Variants in PRTG observed in about 807,000 individuals in gnomAD.
The protein encoded by PRTG is protogenin, also known as immunoglobulin superfamily, DCC subclass, member 5.
In PRTG, 67 loss-of-function variants were observed where a neutral mutation model predicts 122.5. The observed-to-expected ratio is 0.55, with a 90% CI of 0.45 to 0.67. The LOEUF (loss-of-function observed/expected upper bound fraction) is 0.67, where lower values mean the gene tolerates loss of function less well. PRTG is among the 30% of genes least tolerant of loss of function. The pLI, the probability that PRTG is intolerant of heterozygous loss-of-function variation, is 0.00. For missense variants in PRTG, 1,435 were observed against 1,415.4 expected, an observed-to-expected ratio of 1.01 and a Z score of -0.22; for synonymous variants, 554 against 501.1, an observed-to-expected ratio of 1.11 and a Z score of -1.41.
intron 2 of PRTG, among the ~76,000 whole-genome samples, chr15:55,698,964 GAAAAC>G (rs906180787): frequency 6.6e-6 from 1 of 152,048 alleles, no homozygotes; most frequent in East Asian, 1.9e-4. Flanking sequence ...GACTAGTCTA[GAAAAC>G]AAAACAAAAC....
At chr15:55,658,844 T>C (rs1489385716) in intron 11 of PRTG, among the ~76,000 whole-genome samples, 1 of 152,226 alleles carries the variant, frequency 6.6e-6, no homozygotes, top group Non-Finnish European at 1.5e-5. Flanking sequence ...TGTTTCTGTA[T>C]TGAGTCACTT....
intron 17 of PRTG, among the ~76,000 whole-genome samples, chr15:55,624,828 A>G (rs1364345309): frequency 6.6e-6 from 1 of 152,218 alleles, no homozygotes; most frequent in Non-Finnish European, 1.5e-5. Context: ...TTATTACACT[A>G]GCATAACAAT....
chr15:55,681,581 G>C (rs879531970), intron 4 of PRTG: 3 of 152,008 alleles, frequency 2.0e-5, no homozygotes, highest in African/African-American at 4.8e-5. Context: ...TTTGCATTAA[G>C]ATTGAGGATA....
chr15:55,617,079 TATGAAA>T lies in PRTG; in HGVS notation c.*2927_*2932del, dbSNP rs2059144840. The T allele has an allele frequency of 1.3e-5, 2 of 152,170 alleles. No homozygotes were observed. The highest frequency in any genetic ancestry group is 2.9e-5 in the Non-Finnish European group (2 of 67,982). 9.4% of individuals were successfully genotyped at this position (152,170 alleles called of 1,614,324 possible). A position where few individuals can be genotyped will look rare whatever the true frequency, so the allele number is the denominator to read the frequency against. ...GTACAATACCATGAAGTAATACCAC[TATGAAA>T]AATGAGTGAAAATCTTCACATTTTA... On this transcript the variant is annotated 3_prime_UTR_variant, in exon 20 of 20. Transcript: ENST00000389286.
intron 2 of PRTG, among the ~76,000 whole-genome samples, chr15:55,692,386 A>G (rs985002239): frequency 2.6e-5 from 4 of 152,188 alleles, no homozygotes; most frequent in African/African-American, 7.2e-5. Context: ...GACACTGTAC[A>G]CCAAACATCA....
At chr15:55,639,575 G>A in intron 13 of PRTG, 67 bp downstream of exon 13, 1 of 1,401,078 alleles carries the variant, frequency 7.1e-7, no homozygotes, top group Non-Finnish European at 9.9e-7. Context: ...GATGGTAAGA[G>A]GTAGAAGTTG....
intron 2 of PRTG, among the ~76,000 whole-genome samples, chr15:55,727,286 G>A (rs2031069026): frequency 6.6e-6 from 1 of 151,580 alleles, no homozygotes; most frequent in African/African-American, 2.4e-5. Flanking sequence ...AGAAAAAAAA[G>A]AGAGATGATA....
rs2059210199 is a variant in PRTG at position 55,628,873 on chromosome 15, T to C, written c.2755A>G (p.Thr919Ala). ...SVELAVLPKE[T>A]SESNQRPKRL... ...TTGGGCCTCTGATTTGATTCAGAGG[T>C]TTCCTTTGGAAGTACTGCCAGCTCC... The change falls in exon 16 of 20, where the codon ACC becomes GCC. Residue 919 changes from threonine to alanine, a missense_variant. Coordinates refer to ENST00000389286, the MANE Select transcript of PRTG (RefSeq NM_173814.6). 1 of 1,614,034 alleles carries C rather than the reference T, an allele frequency of 6.2e-7. No individual in the cohort carries two copies. The highest frequency in any genetic ancestry group is 1.3e-5 in the African/African-American group (1 of 75,028).
rs545146386 is a variant in PRTG at position 55,691,109 on chromosome 15, A to C, written c.398-7178T>G. Among the ~76,000 whole-genome samples the C allele has an allele frequency of 2.6e-5, 4 of 152,168 alleles. No homozygotes were observed. In the South Asian group the frequency reaches 8.3e-4, roughly 32 times the overall value. On this transcript the variant is annotated intron_variant, in intron 2 of 19. Coordinates refer to ENST00000389286, the MANE Select transcript of PRTG (RefSeq NM_173814.6). Reference sequence around the variant, plus strand: ...CAGGAGTTCGAGACCAACCTGGCCAACGTGATGAAACCCCATCTCTACTAA... The same window carrying C: ...CAGGAGTTCGAGACCAACCTGGCCACCGTGATGAAACCCCATCTCTACTAA...
chr15:55,698,814 C>T (rs556348677), intron 2 of PRTG, among the ~76,000 whole-genome samples: 2 of 150,170 alleles, frequency 1.3e-5, no homozygotes, highest in South Asian at 2.1e-4. Context: ...CATCAGGACT[C>T]GTGAATCATG....
intron 2 of PRTG, among the ~76,000 whole-genome samples, chr15:55,717,030 A>G (rs1181160206): frequency 6.6e-6 from 1 of 152,238 alleles, no homozygotes; most frequent in Non-Finnish European, 1.5e-5. Context: ...AAACCATTTG[A>G]GCCACTAATA....
At chr15:55,670,806 CAGG>C (rs1343027715) in intron 11 of PRTG, among the ~76,000 whole-genome samples, 1 of 151,880 alleles carries the variant, frequency 6.6e-6, no homozygotes, top group African/African-American at 2.4e-5. Context: ...GAGGCTGAGG[CAGG>C]AGAATTGCTT....
intron 11 of PRTG, among the ~76,000 whole-genome samples, chr15:55,647,803 G>C (rs540890210): frequency 6.6e-6 from 1 of 152,334 alleles, no homozygotes; most frequent in Admixed American, 6.5e-5. Context: ...AAGATCTAGA[G>C]AACAGAATAT....
intron 15 of PRTG, among the ~76,000 whole-genome samples, chr15:55,631,539 C>T (rs543918870): frequency 6.6e-6 from 1 of 152,324 alleles, no homozygotes; most frequent in African/African-American, 2.4e-5. Context: ...CAAAGCATTT[C>T]ACAAATACTG....
At position 55,738,021 on chromosome 15, in the gene PRTG, T is replaced by TACACAC. The variant is rs1465755534; in HGVS notation, c.397+2360_397+2361insGTGTGT. Among the ~76,000 whole-genome samples, 317 of 102,868 alleles carry TACACAC rather than the reference T, an allele frequency of 3.1e-3. 2 individuals are homozygous for TACACAC. The highest frequency in any genetic ancestry group is 0.01 in the African/African-American group (289 of 27,748). The allele number at this position is 102,868 out of a possible 152,430, so 67.5% of individuals were successfully genotyped here. ...CTCTCTCTATATATATATATATATATATATACACACACACACACACACACA... is the reference window on the plus strand; with the variant it reads ...CTCTCTCTATATATATATATATATATACACACATATACACACACACACACACACACA... On this transcript the variant is annotated intron_variant, in intron 2 of 19. Coordinates refer to ENST00000389286, the MANE Select transcript of PRTG (RefSeq NM_173814.6).
chr15:55,620,306 T>G (rs369319370), intron 19 of PRTG, 40 bp from the exon 20 acceptor site: 2 of 1,599,504 alleles, frequency 1.3e-6, no homozygotes. Flanking sequence ...GATACCAGAC[T>G]GATCGAATCC....
chr15:55,667,517 C>T (rs569483854), intron 11 of PRTG, among the ~76,000 whole-genome samples: 85 of 151,962 alleles, frequency 5.6e-4, no homozygotes, highest in African/African-American at 2.0e-3. Context: ...AAAATTTCTG[C>T]TCTATTGGCA....
chr15:55,636,805 C>T (rs1433414387), intron 15 of PRTG, among the ~76,000 whole-genome samples: 5 of 152,128 alleles, frequency 3.3e-5, no homozygotes, highest in African/African-American at 1.2e-4. Flanking sequence ...TGCCATCACA[C>T]CCAGCTAATT....
intron 11 of PRTG, among the ~76,000 whole-genome samples, chr15:55,654,772 G>C (rs2059371198): frequency 6.6e-6 from 1 of 152,122 alleles, no homozygotes; most frequent in African/African-American, 2.4e-5. Flanking sequence ...CTGAAGCTAT[G>C]AAATAAATTT....
Sources: allele counts gnomAD v4.1 joint callset (sites outside exome capture counted in the v4.1 genomes callset), GRCh38; gene constraint gnomAD v4.1.1; transcripts MANE v1.5; gene names NCBI Gene and HGNC (gene_info 2026-07-23, HGNC 2026-07-21).